BCOR: variants seen among roughly 807,000 people sequenced by gnomAD.
The protein encoded by BCOR is BCL-6 corepressor.
Under a neutral mutation model 86.7 loss-of-function variants are expected in BCOR, and 10 were observed. The observed-to-expected ratio is 0.12, with a 90% CI of 0.07 to 0.20. The LOEUF (loss-of-function observed/expected upper bound fraction) is 0.20, where lower values mean the gene tolerates loss of function less well. Among genes scored for constraint, BCOR ranks in the 10% least tolerant of loss-of-function variants. The probability of loss-of-function intolerance (pLI) is 1.00; values close to 1 mark genes in which losing one functional copy is unlikely to be tolerated. For synonymous variants in BCOR, 611 were observed against 609.0 expected, an observed-to-expected ratio of 1.00 and a Z score of -0.05; for missense variants, 1,259 against 1,452.1, an observed-to-expected ratio of 0.87 and a Z score of 2.16.
At chrX:40,109,096 G>A (rs1432004610) in intron 1 of BCOR, among the ~76,000 whole-genome samples, 1 of 112,620 alleles carries the variant, frequency 8.9e-6, no homozygotes, top group Non-Finnish European at 1.9e-5. Context: ...GGAGGGCGGC[G>A]GGGAGGAGGA....
intron 1 of BCOR, among the ~76,000 whole-genome samples, chrX:40,104,571 G>A (rs934367843): frequency 1.8e-5 from 2 of 110,299 alleles, no homozygotes; most frequent in Non-Finnish European, 3.8e-5. Context: ...CCCAGACCAA[G>A]CTGACCTAGC....
At chrX:40,155,643 G>T (rs1322084636) in intron 1 of BCOR, among the ~76,000 whole-genome samples, 1 of 111,657 alleles carries the variant, frequency 9.0e-6, no homozygotes, top group African/African-American at 3.2e-5. Flanking sequence ...GGGAGGGGGT[G>T]TGGGGGGGGG....
At chrX:40,147,302 T>TAAAAC (rs1199259297) in intron 1 of BCOR, among the ~76,000 whole-genome samples, 3 of 112,296 alleles carry the variant, frequency 2.7e-5, no homozygotes, top group Admixed American at 9.4e-5. Context: ...TAGGTCTCAT[T>TAAAAC]AAAACAAAAC....
chrX:40,103,890 T>C (rs1483730380), intron 1 of BCOR, among the ~76,000 whole-genome samples: 4 of 111,335 alleles, frequency 3.6e-5, no homozygotes, highest in Admixed American at 2.9e-4. Flanking sequence ...TCACTTCTTA[T>C]CTCGCAAAAA....
rs201017440 is a variant in BCOR at position 40,062,282 on chromosome X, A to C, written c.4285T>G (p.Ser1429Ala). 1.2e-5 allele frequency: 14 copies of C among 1,208,446 alleles called. No individual in the cohort carries two copies. The highest frequency in any genetic ancestry group is 1.1e-6 in the Non-Finnish European group (1 of 894,692). ...FDRLQQLLPA[S>A]QSTQLPCSSS... ...GAGCATGGCAGCTGTGTGGACTGGG[A>C]GGCTGGTAGCAGTTGCTGCAAGCGG... Residue 1429 changes from serine to alanine, a missense_variant, in exon 10 of 15, where the codon TCC becomes GCC. By Grantham distance (99) the Ser-to-Ala change is moderately conservative (BLOSUM62 1). Transcript: ENST00000378444.
chrX:40,060,549 G>A (rs1180417938), intron 10 of BCOR, among the ~76,000 whole-genome samples: 2 of 112,152 alleles, frequency 1.8e-5, no homozygotes, highest in Non-Finnish European at 1.9e-5. Context: ...GCCCTACCCC[G>A]CTATGGCCGG....
intron 1 of BCOR, among the ~76,000 whole-genome samples, chrX:40,084,712 C>G (rs1173206042): frequency 1.0e-5 from 1 of 99,752 alleles, no homozygotes; most frequent in Non-Finnish European, 2.0e-5. Flanking sequence ...CACCCCCCCC[C>G]ACCACCACCA....
intron 1 of BCOR, among the ~76,000 whole-genome samples, chrX:40,162,077 T>TATAG (rs769144495): frequency 9.0e-6 from 1 of 111,488 alleles, no homozygotes; most frequent in East Asian, 2.9e-4. Flanking sequence ...AGAGAGTGTA[T>TATAG]ATAGGCCTAC....
Position 40,097,347 on chromosome X carries a change from G to C in BCOR, c.-173C>G, listed in dbSNP as rs1936939676. 1 of 110,257 alleles carries C rather than the reference G, an allele frequency of 9.1e-6. No homozygotes were observed. Among genetic ancestry groups the C allele is most frequent in the African/African-American group, 3.3e-5 (1 of 30,393 alleles). 9.1% of individuals were successfully genotyped at this position (110,257 alleles called of 1,213,427 possible). On this transcript the variant is annotated 5_prime_UTR_variant, in exon 1 of 15. Coordinates refer to ENST00000378444, the MANE Select transcript of BCOR (RefSeq NM_001123385.2). The stretch of plus-strand genomic sequence containing the variant: ...GGTGGAGAGAGATATGAGGGGTGGG[G>C]GGGGTTGGCGACGTTAACGAGCGGA...
rs1236006503 is a variant in BCOR, at chrX:40,074,460, C to G, written c.886G>C (p.Gly296Arg). The G allele has an allele frequency of 8.3e-7, 1 of 1,205,669 alleles. No homozygotes were observed. Among genetic ancestry groups the G allele is most frequent in the South Asian group, 1.8e-5 (1 of 56,000 alleles). The change falls in exon 4 of 15, where the codon GGG becomes CGG. Residue 296 changes from glycine (G) to arginine (R), a missense_variant. By Grantham distance (125) the Gly-to-Arg change is moderately radical (BLOSUM62 -2). Transcript: ENST00000378444. ...SLPWKMGVSP[G>R]NPVDSHAYPH... Reference sequence around the variant, plus strand: ...TAGGCGTGGGAATCAACAGGATTCCCAGGGCTGACGCCCATCTTCCACGGG... The same window carrying G: ...TAGGCGTGGGAATCAACAGGATTCCGAGGGCTGACGCCCATCTTCCACGGG...
At chrX:40,103,583 C>T (rs930301806) in intron 1 of BCOR, among the ~76,000 whole-genome samples, 3 of 111,609 alleles carry the variant, frequency 2.7e-5, no homozygotes, top group African/African-American at 9.8e-5. Context: ...GCCACCCAGC[C>T]TTCCACCCTG....
upstream of BCOR, among the ~76,000 whole-genome samples, chrX:40,101,581 C>T: frequency 8.9e-6 from 1 of 112,704 alleles, no homozygotes; most frequent in South Asian, 3.6e-4. Flanking sequence ...GCTGGCCCTT[C>T]TAGGAGCAGG....
chrX:40,123,892 C>G (rs1194551375), intron 1 of BCOR, among the ~76,000 whole-genome samples: 2 of 110,463 alleles, frequency 1.8e-5, no homozygotes, highest in Non-Finnish European at 3.8e-5. Context: ...ACCATTCCAC[C>G]AATCCATAGC....
chrX:40,139,000 G>C (rs5917938), intron 1 of BCOR, among the ~76,000 whole-genome samples: 2 of 110,278 alleles, frequency 1.8e-5, no homozygotes, highest in Admixed American at 2.0e-4. Context: ...TCAAGTTGTA[G>C]AGCCAGGTTT....
intron 1 of BCOR, among the ~76,000 whole-genome samples, chrX:40,082,942 C>A (rs1051813271): frequency 1.8e-5 from 2 of 110,825 alleles, no homozygotes; most frequent in Admixed American, 1.9e-4. Flanking sequence ...GGGATCAGAG[C>A]AGGGAGGGAA....
intron 1 of BCOR, among the ~76,000 whole-genome samples, chrX:40,093,954 G>C (rs1001125736): frequency 9.0e-6 from 1 of 111,316 alleles, no homozygotes; most frequent in African/African-American, 3.3e-5. Context: ...TCATCTAGCA[G>C]CTGCGTTTGG....
intron 1 of BCOR, among the ~76,000 whole-genome samples, chrX:40,156,947 A>C (rs1224471845): frequency 8.8e-6 from 1 of 113,579 alleles, no homozygotes; most frequent in African/African-American, 3.2e-5. Context: ...TCGGGACTGG[A>C]CCGGGCAGGA....
chrX:40,083,375 C>T (rs957038249), intron 1 of BCOR, among the ~76,000 whole-genome samples: 2 of 111,715 alleles, frequency 1.8e-5, no homozygotes, highest in African/African-American at 6.5e-5. Flanking sequence ...TCTTGGCACA[C>T]TCCAAGCCAC....
intron 1 of BCOR, among the ~76,000 whole-genome samples, chrX:40,104,893 G>A (rs1937142664): frequency 8.9e-6 from 1 of 111,880 alleles, no homozygotes; most frequent in African/African-American, 3.2e-5. Flanking sequence ...CCTCGGGCGA[G>A]CCGCCTGGCG....
Sources: allele counts gnomAD v4.1 joint callset (sites outside exome capture counted in the v4.1 genomes callset), GRCh38; gene constraint gnomAD v4.1.1; transcripts MANE v1.5; gene names NCBI Gene and HGNC (gene_info 2026-07-23, HGNC 2026-07-21).